The following DNAJB6 variants were observed in gnomAD, a reference collection of about 807,000 sequenced individuals.
The protein encoded by DNAJB6 is DnaJ heat shock protein family (Hsp40) member B6.
DNAJB6 carries 16 observed loss-of-function variants against 42.7 expected under a neutral mutation model. The observed-to-expected ratio is 0.37, with a 90% CI of 0.25 to 0.57. The LOEUF (loss-of-function observed/expected upper bound fraction) is 0.57. Among genes scored for constraint, DNAJB6 ranks in the 20% least tolerant of loss-of-function variants. DNAJB6 has a pLI of 0.74. For missense variants in DNAJB6, 347 were observed against 416.8 expected (o/e 0.83, Z 1.46); for synonymous variants, 170 against 163.5 (o/e 1.04, Z -0.30).
chr7:157,346,906 A>C (rs1287185648), intron 1 of DNAJB6, among the ~76,000 whole-genome samples: 2 of 152,090 alleles, frequency 1.3e-5, no homozygotes, highest in East Asian at 1.9e-4. Context: ...CCCAGGCTGC[A>C]GTGCAGTGGT....
chr7:157,407,885 C>T (rs935551820), intron 8 of DNAJB6, among the ~76,000 whole-genome samples: 5 of 152,214 alleles, frequency 3.3e-5, no homozygotes, highest in African/African-American at 1.2e-4. Context: ...TCCTCGCTCC[C>T]AGCCTGCAAC....
rs1554453993 is a variant in DNAJB6 at position 157,353,627 on chromosome 7, A to AT, written c.-26-4911dup. 5.4e-4 allele frequency among the ~76,000 whole-genome samples: 58 copies of AT among 107,272 alleles called. 2 individuals are homozygous for AT. In the South Asian group the frequency reaches 0.011, roughly 21 times the overall value. The allele number at this position is 107,272 out of a possible 152,430, so 70.4% of individuals were successfully genotyped here. ...TGTGTGTGTGTGTGTGTGTGTATGT[A>AT]TTTTTTTTTGTTTGTTTGTGATAAG... On this transcript the variant is annotated intron_variant, in intron 1 of 9. Transcript: ENST00000262177.
At chr7:157,377,295 C>G (rs144256430) in intron 5 of DNAJB6, among the ~76,000 whole-genome samples, 1 of 152,120 alleles carries the variant, frequency 6.6e-6, no homozygotes, top group South Asian at 2.1e-4. Flanking sequence ...GCATGACTCC[C>G]CAGACCCCTT....
chr7:157,346,345 A>T lies in DNAJB6; in HGVS notation c.-27+9201A>T, dbSNP rs1039284195. On this transcript the variant is annotated intron_variant, in intron 1 of 9. Transcript: ENST00000262177. ...AAAAAAAAAAAAAAAAAAGTTAAAGATACAACTTAGTTTCTCTGTGACTAG... is the reference window on the plus strand; with the variant it reads ...AAAAAAAAAAAAAAAAAAGTTAAAGTTACAACTTAGTTTCTCTGTGACTAG... Among the ~76,000 whole-genome samples the T allele has an allele frequency of 3.0e-5, 4 of 135,110 alleles. No homozygotes were observed. The South Asian group carries it at 1.1e-3, about 36-fold the overall frequency. 88.6% of individuals were successfully genotyped at this position (135,110 alleles called of 152,430 possible).
chr7:157,339,605 G>C (rs1306698729), intron 1 of DNAJB6, among the ~76,000 whole-genome samples: 1 of 37,528 alleles, frequency 2.7e-5, no homozygotes. Context: ...GGCCTTTTGT[G>C]TGTGTGTGTG....
At chr7:157,398,095 G>A (rs991801700) in intron 8 of DNAJB6, among the ~76,000 whole-genome samples, 1 of 152,184 alleles carries the variant, frequency 6.6e-6, no homozygotes, top group Non-Finnish European at 1.5e-5. Context: ...CCCAGCAGAT[G>A]GCGTCTGCCA....
chr7:157,358,416 T>A, intron 1 of DNAJB6, 131 bp from the exon 2 acceptor site: 1 of 619,562 alleles, frequency 1.6e-6, no homozygotes, highest in Non-Finnish European at 2.9e-6. Flanking sequence ...TTAGCTCTAG[T>A]GGAAGTTCCC....
intron 5 of DNAJB6, among the ~76,000 whole-genome samples, chr7:157,372,588 A>G (rs1460289686): frequency 6.6e-6 from 1 of 152,218 alleles, no homozygotes; most frequent in Non-Finnish European, 1.5e-5. Flanking sequence ...AGACGACCTC[A>G]GCTGCCTTGG....
At chr7:157,346,710 G>A (rs549655926) in intron 1 of DNAJB6, among the ~76,000 whole-genome samples, 35 of 152,324 alleles carry the variant, frequency 2.3e-4, no homozygotes, top group African/African-American at 7.7e-4. Flanking sequence ...ATTTTAAATT[G>A]TGTCTTACAT....
chr7:157,340,158 ACTT>A (rs1394717377), intron 1 of DNAJB6: 3 of 152,272 alleles, frequency 2.0e-5, no homozygotes, highest in South Asian at 2.1e-4. Context: ...CGGGATTTTT[ACTT>A]CTTAGTATTT....
At position 157,390,589 on chromosome 7, in the gene DNAJB6, T is replaced by A. The variant is rs994345904; in HGVS notation, c.691+4978T>A. 2.6e-5 allele frequency among the ~76,000 whole-genome samples: 4 copies of A among 152,280 alleles called. No individual in the cohort carries two copies. In the East Asian group the frequency reaches 7.7e-4, roughly 29 times the overall value. The stretch of plus-strand genomic sequence containing the variant: ...TGCTGAAACATTGCTGCTGAAACAT[T>A]GTTGCAGAAATGTGGGGTGGAGCCT... On this transcript the variant is annotated intron_variant, in intron 8 of 9. Coordinates refer to ENST00000262177, the MANE Select transcript of DNAJB6 (RefSeq NM_058246.4).
At chr7:157,358,003 TTCTC>T (rs1222943243) in intron 1 of DNAJB6, among the ~76,000 whole-genome samples, 1 of 152,218 alleles carries the variant, frequency 6.6e-6, no homozygotes, top group African/African-American at 2.4e-5. Flanking sequence ...TCAAAGGTCT[TTCTC>T]TCTTGGGAGA....
intron 1 of DNAJB6, among the ~76,000 whole-genome samples, chr7:157,342,333 A>ATTTTTTTT (rs11329531): frequency 1.7e-5 from 1 of 60,406 alleles, no homozygotes. Context: ...ATCCTGGCTA[A>ATTTTTTTT]TTTTTTTTTT....
chr7:157,388,642 G>T (rs538051410), intron 8 of DNAJB6, among the ~76,000 whole-genome samples: 1 of 150,450 alleles, frequency 6.6e-6, no homozygotes, highest in East Asian at 2.0e-4. Flanking sequence ...AGCTTTTGGG[G>T]GGGGGGTAAG....
intron 5 of DNAJB6, among the ~76,000 whole-genome samples, chr7:157,377,719 G>C (rs895287306): frequency 6.6e-6 from 1 of 152,208 alleles, no homozygotes; most frequent in South Asian, 2.1e-4. Context: ...ATCTCATCCA[G>C]AATCACCCAG....
At chr7:157,408,908 G>A (rs577520749) in intron 8 of DNAJB6, among the ~76,000 whole-genome samples, 14 of 152,200 alleles carry the variant, frequency 9.2e-5, no homozygotes, top group Non-Finnish European at 1.5e-4. Context: ...CTCGGGGCCC[G>A]AAGTGCTGGG....
At chr7:157,412,450 A>T (rs914954140) in intron 9 of DNAJB6, 4 of 152,282 alleles carry the variant, frequency 2.6e-5, no homozygotes, top group Non-Finnish European at 5.9e-5. Flanking sequence ...ACACGGGTGC[A>T]GACCCCTTAG....
chr7:157,356,734 G>T (rs115211702), intron 1 of DNAJB6, among the ~76,000 whole-genome samples: 2 of 152,104 alleles, frequency 1.3e-5, no homozygotes, highest in Admixed American at 6.6e-5. Context: ...ATAGGAACAA[G>T]TTTTTTTCTA....
rs1800414966 is a variant in DNAJB6, at chr7:157,375,272, G to T, written c.347-6974G>T. ...AGAAAAGAGCCTGGAGCCTGCTGCT[G>T]TTCTGGTGGTTTCTTCCCTGAGCAA... On this transcript the variant is annotated intron_variant, in intron 5 of 9. Transcript: ENST00000262177. Among the ~76,000 whole-genome samples the T allele has an allele frequency of 2.6e-5, 4 of 152,230 alleles. No individual in the cohort carries two copies. In the South Asian group the frequency reaches 8.3e-4, roughly 32 times the overall value.
Sources: allele counts gnomAD v4.1 joint callset (sites outside exome capture counted in the v4.1 genomes callset), GRCh38; gene constraint gnomAD v4.1.1; transcripts MANE v1.5; gene names NCBI Gene and HGNC (gene_info 2026-07-23, HGNC 2026-07-21).